Variants in FILIP1L observed in about 807,000 individuals in gnomAD.
The protein encoded by FILIP1L is filamin A-interacting protein 1-like.
In FILIP1L, 55 loss-of-function variants were observed where a neutral mutation model predicts 96.6. That is an observed-to-expected ratio of 0.57 (90% CI 0.46 to 0.71). The LOEUF (loss-of-function observed/expected upper bound fraction) is 0.71. Among genes scored for constraint, FILIP1L ranks in the 30% least tolerant of loss-of-function variants. The pLI is 0.00. For synonymous variants in FILIP1L, 467 were observed against 473.9 expected (o/e 0.99, Z 0.19); for missense variants, 1,304 against 1,321.2 (o/e 0.99, Z 0.20).
chr3:99,992,503 A>G (rs1475072502), intron 1 of FILIP1L, among the ~76,000 whole-genome samples: 4 of 151,860 alleles, frequency 2.6e-5, no homozygotes, highest in Non-Finnish European at 5.9e-5. Flanking sequence ...CTACTTTTAA[A>G]TGGGGTTATT....
chr3:99,870,051 A>G (rs1944713298), intron 4 of FILIP1L, among the ~76,000 whole-genome samples: 2 of 152,176 alleles, frequency 1.3e-5, no homozygotes, highest in African/African-American at 4.8e-5. Context: ...CTCTGTAGTG[A>G]TATAATCAGT....
At chr3:100,088,306 T>C (rs2066047459) in intron 1 of FILIP1L, among the ~76,000 whole-genome samples, 2 of 152,080 alleles carry the variant, frequency 1.3e-5, no homozygotes, top group South Asian at 4.1e-4. Flanking sequence ...ATTTCAGAAG[T>C]TAATATAGGT....
chr3:100,027,127 A>T (rs540809487), intron 1 of FILIP1L, among the ~76,000 whole-genome samples: 2 of 152,156 alleles, frequency 1.3e-5, no homozygotes, highest in South Asian at 4.2e-4. Context: ...ATCTAAACTT[A>T]CACACATGAA....
chr3:100,024,107 C>T (rs989218692), intron 1 of FILIP1L, among the ~76,000 whole-genome samples: 8 of 152,268 alleles, frequency 5.3e-5, no homozygotes, highest in South Asian at 2.1e-4. Flanking sequence ...TTCCACACTC[C>T]GTCTTCAGCT....
At chr3:99,927,589 G>A (rs143853297) in intron 3 of FILIP1L, among the ~76,000 whole-genome samples, 3 of 151,836 alleles carry the variant, frequency 2.0e-5, no homozygotes, top group East Asian at 3.9e-4. Flanking sequence ...GGCTGGTCTC[G>A]AATTCCCGAC....
At chr3:99,871,757 T>C (rs980623329) in intron 4 of FILIP1L, among the ~76,000 whole-genome samples, 2 of 152,200 alleles carry the variant, frequency 1.3e-5, no homozygotes, top group Non-Finnish European at 2.9e-5. Flanking sequence ...GACCCAAATG[T>C]CTTTGACCAC....
At position 99,930,810 on chromosome 3, in the gene FILIP1L, C is replaced by T. The variant is rs1177756706; in HGVS notation, c.211G>A (p.Asp71Asn). The T allele has an allele frequency of 3.7e-6, 6 of 1,612,876 alleles. No homozygotes were observed. Among genetic ancestry groups the T allele is most frequent in the African/African-American group, 1.3e-5 (1 of 74,668 alleles). Reference sequence around the variant, plus strand: ...AGAATGCTGAGGAGAAATAACAGGTCATCTCTTGAGAGGTCTTCTGCTTGG... The same window carrying T: ...AGAATGCTGAGGAGAAATAACAGGTTATCTCTTGAGAGGTCTTCTGCTTGG... The part of the protein sequence containing the change: ...GHQAEDLSRD[D>N]LLFLLSILEG... Residue 71 changes from aspartate to asparagine, a missense_variant, in exon 2 of 6, where the codon GAC becomes AAC. Physicochemically the swap from Asp to Asn is conservative, Grantham distance 23 (BLOSUM62 1). Coordinates refer to ENST00000477258, the MANE Select transcript of FILIP1L (RefSeq NM_001387850.1).
intron 1 of FILIP1L, among the ~76,000 whole-genome samples, chr3:100,107,471 A>G (rs2066414648): frequency 6.6e-6 from 1 of 152,148 alleles, no homozygotes; most frequent in South Asian, 2.1e-4. Flanking sequence ...CATGATTTGA[A>G]TTGGAGCTTT....
chr3:100,099,536 T>C (rs1234569387), intron 1 of FILIP1L, among the ~76,000 whole-genome samples: 1 of 152,180 alleles, frequency 6.6e-6, no homozygotes, highest in Non-Finnish European at 1.5e-5. Flanking sequence ...GGTCTAATTA[T>C]GTATCCTTAA....
chr3:99,835,967 T>A (rs1286010264), intron 5 of FILIP1L, among the ~76,000 whole-genome samples: 1 of 152,014 alleles, frequency 6.6e-6, no homozygotes, highest in African/African-American at 2.4e-5. Flanking sequence ...GGGAGGATAG[T>A]TAGTATGGTG....
intron 5 of FILIP1L, among the ~76,000 whole-genome samples, chr3:99,836,558 G>A (rs1942905020): frequency 6.6e-6 from 1 of 152,218 alleles, no homozygotes; most frequent in South Asian, 2.1e-4. Flanking sequence ...CTCAACTGCC[G>A]CTCTTTTCTT....
intron 1 of FILIP1L, among the ~76,000 whole-genome samples, chr3:100,092,341 G>A (rs1312538253): frequency 2.0e-5 from 3 of 152,016 alleles, no homozygotes; most frequent in Non-Finnish European, 2.9e-5. Context: ...GCATATTTTG[G>A]ATTCCAGGAG....
At chr3:99,978,743 A>T (rs926459399) in intron 1 of FILIP1L, among the ~76,000 whole-genome samples, 2 of 152,104 alleles carry the variant, frequency 1.3e-5, no homozygotes, top group African/African-American at 4.8e-5. Context: ...AAAAATAGAA[A>T]AATTAACCAG....
intron 1 of FILIP1L, chr3:100,023,667 G>A (rs1439663208): frequency 6.6e-6 from 1 of 152,246 alleles, no homozygotes; most frequent in African/African-American, 2.4e-5. Context: ...GGTAAGGCTT[G>A]ATTTATGGAG....
chr3:99,997,846 C>T (rs35521705), intron 1 of FILIP1L, among the ~76,000 whole-genome samples: 28,740 of 152,128 alleles, frequency 0.19, 2,991 homozygotes, highest in South Asian at 0.25. Flanking sequence ...ATAAGTCATG[C>T]TCTTATTACA....
intron 4 of FILIP1L, among the ~76,000 whole-genome samples, chr3:99,857,591 C>T (rs1465631221): frequency 6.6e-6 from 1 of 152,216 alleles, no homozygotes; most frequent in Non-Finnish European, 1.5e-5. Context: ...TATAATCTGA[C>T]CACCCTAAAA....
At chr3:100,074,592 A>G (rs912197025) in intron 1 of FILIP1L, among the ~76,000 whole-genome samples, 2 of 149,622 alleles carry the variant, frequency 1.3e-5, no homozygotes, top group Non-Finnish European at 3.0e-5. Flanking sequence ...AGTAAAAACT[A>G]TGCTTGAGAA....
chr3:100,058,533 C>T (rs1394134218), intron 1 of FILIP1L, among the ~76,000 whole-genome samples: 1 of 152,242 alleles, frequency 6.6e-6, no homozygotes, highest in Admixed American at 6.5e-5. Context: ...CATCCCCAAT[C>T]TAAAGCTTTG....
At chr3:99,975,919 C>G (rs529487445) in intron 1 of FILIP1L, among the ~76,000 whole-genome samples, 4 of 152,310 alleles carry the variant, frequency 2.6e-5, no homozygotes, top group African/African-American at 2.4e-5. Flanking sequence ...GAGTCACGCT[C>G]TGTTGTCCAG....
Sources: allele counts gnomAD v4.1 joint callset (sites outside exome capture counted in the v4.1 genomes callset), GRCh38; gene constraint gnomAD v4.1.1; transcripts MANE v1.5; gene names NCBI Gene and HGNC (gene_info 2026-07-23, HGNC 2026-07-21).